SPRYD4: variants seen among roughly 807,000 people sequenced by gnomAD.
The protein encoded by SPRYD4 is SPRY domain-containing protein 4.
Under a neutral mutation model 16.6 loss-of-function variants are expected in SPRYD4, and 12 were observed. The observed-to-expected ratio is 0.72, with a 90% CI of 0.46 to 1.17. The LOEUF (loss-of-function observed/expected upper bound fraction) is 1.17. SPRYD4 is among the 50% of genes most tolerant of loss of function. SPRYD4 has a pLI of 0.00. For synonymous variants in SPRYD4, 98 were observed against 105.4 expected (o/e 0.93, Z 0.43); for missense variants, 260 against 260.2 (o/e 1.00, Z 0.00).
rs12819483 is a variant in SPRYD4 at position 56,477,848 on chromosome 12, G to C, written c.*8271G>C. ...ATGACAGGGCTAATCAGGAAGGGCA[G>C]AGAAACAAAAAAGGCTGGGAGATGG... On this transcript the variant is annotated 3_prime_UTR_variant, in exon 2 of 2. Coordinates refer to ENST00000338146, the MANE Select transcript of SPRYD4 (RefSeq NM_207344.4). 6.1e-3 allele frequency: 9,509 copies of C among 1,553,314 alleles called. 36 individuals carry two copies. Among genetic ancestry groups the C allele is most frequent in the Non-Finnish European group, 7.7e-3 (8,854 of 1,143,372 alleles).
Position 56,474,637 on chromosome 12 carries a change from G to T in SPRYD4, c.*5060G>T, listed in dbSNP as rs769254328. 1 of 1,614,012 alleles carries T rather than the reference G, an allele frequency of 6.2e-7. No homozygotes were observed. The highest frequency in any genetic ancestry group is 8.5e-7 in the Non-Finnish European group (1 of 1,180,018). On this transcript the variant is annotated 3_prime_UTR_variant, in exon 2 of 2. Coordinates refer to ENST00000338146, the MANE Select transcript of SPRYD4 (RefSeq NM_207344.4). ...CTGCTTCAGCACTCAGCACACTCTC[G>T]CCTGTGATGGGGCAGATCCCACCGT...
At position 56,473,750 on chromosome 12, in the gene SPRYD4, G is replaced by A. The variant is rs1869525032; in HGVS notation, c.*4173G>A. On this transcript the variant is annotated 3_prime_UTR_variant, in exon 2 of 2. Coordinates refer to ENST00000338146, the MANE Select transcript of SPRYD4 (RefSeq NM_207344.4). ...TTAATTAGCTTCTTTTATTACTCCT[G>A]TCCTTTCCTTCCCTTAAATTCATTG... 3.6e-6 allele frequency: 3 copies of A among 826,992 alleles called. No homozygotes were observed. In the Admixed American group the frequency reaches 1.0e-4, roughly 28 times the overall value. 51.2% of individuals were successfully genotyped at this position (826,992 alleles called of 1,614,324 possible). A position where few individuals can be genotyped will look rare whatever the true frequency, so the allele number is the denominator to read the frequency against.
In SPRYD4 at chr12:56,475,349, T is replaced by A; in HGVS notation, c.*5772T>A. 8.9e-7 allele frequency: 1 copy of A among 1,121,090 alleles called. No individual in the cohort carries two copies. The highest frequency in any genetic ancestry group is 1.6e-5 in the South Asian group (1 of 60,958). 69.4% of individuals were successfully genotyped at this position (1,121,090 alleles called of 1,614,324 possible). A position where few individuals can be genotyped will look rare whatever the true frequency, so the allele number is the denominator to read the frequency against. On this transcript the variant is annotated 3_prime_UTR_variant, in exon 2 of 2. Coordinates refer to ENST00000338146, the MANE Select transcript of SPRYD4 (RefSeq NM_207344.4). ...AAACTGTCTAGTCATCTAGGAAAAC[T>A]GGTGAAGTTTTTGGCTTTGAAAGTC... is the stretch of plus-strand genomic sequence containing the variant.
Position 56,472,420 on chromosome 12 carries a change from C to A in SPRYD4, c.*2843C>A. The A allele has an allele frequency of 1.6e-6, 1 of 606,538 alleles. No individual in the cohort carries two copies. Among genetic ancestry groups the A allele is most frequent in the Non-Finnish European group, 2.9e-6 (1 of 344,286 alleles). The allele number at this position is 606,538 out of a possible 1,614,324, so 37.6% of individuals were successfully genotyped here. On this transcript the variant is annotated 3_prime_UTR_variant, in exon 2 of 2. Coordinates refer to ENST00000338146, the MANE Select transcript of SPRYD4 (RefSeq NM_207344.4). ...TCCAGAAATATCACTCACTGCCTAC[C>A]TGTGGTAAGTGCCCATTTGAGGCAG... is the stretch of plus-strand genomic sequence containing the variant.
rs1312941985 is a variant in SPRYD4, at chr12:56,470,055, A to G, written c.*478A>G. ...CAGTCAATGACTTGGCCCTTTTTCT[A>G]CAGCACATTTAGAGTTTGGGCTCTG... On this transcript the variant is annotated 3_prime_UTR_variant, in exon 2 of 2. Transcript: ENST00000338146. 6.1e-6 allele frequency: 1 copy of G among 162,640 alleles called. No individual in the cohort carries two copies. The highest frequency in any genetic ancestry group is 1.4e-5 in the Non-Finnish European group (1 of 72,872). The allele number at this position is 162,640 out of a possible 1,614,324, so 10.1% of individuals were successfully genotyped here.
rs1156612319 is a variant in SPRYD4, at chr12:56,469,585, A to G, written c.*8A>G. 2.5e-6 allele frequency: 4 copies of G among 1,604,032 alleles called. No homozygotes were observed. Among genetic ancestry groups the G allele is most frequent in the African/African-American group, 1.3e-5 (1 of 74,564 alleles). ...GTGCCCGAGGGCCTCTAGTATGTCC[A>G]TTACTGGAGTCCCTAATCACGCCTT... On this transcript the variant is annotated 3_prime_UTR_variant, in exon 2 of 2. Transcript: ENST00000338146.
Position 56,473,394 on chromosome 12 carries a change from G to A in SPRYD4, c.*3817G>A, listed in dbSNP as rs577026510. 3.7e-6 allele frequency: 6 copies of A among 1,605,098 alleles called. No individual in the cohort carries two copies. In the African/African-American group the frequency reaches 8.0e-5, roughly 22 times the overall value. On this transcript the variant is annotated 3_prime_UTR_variant, in exon 2 of 2. Coordinates refer to ENST00000338146, the MANE Select transcript of SPRYD4 (RefSeq NM_207344.4). The stretch of plus-strand genomic sequence containing the variant: ...AGGAGCTCAAAATTGCTTTATTATA[G>A]TAAAAGTGGTACCATTAAACAAATT...
rs1431701216 is a variant in SPRYD4, at chr12:56,479,383, GAC to G, written c.*9809_*9810del. The G allele has an allele frequency of 2.5e-5, 14 of 567,750 alleles. 1 individual carries two copies. Among genetic ancestry groups the G allele is most frequent in the Middle Eastern group, 9.5e-4 (2 of 2,098 alleles). The allele number at this position is 567,750 out of a possible 1,614,324, so 35.2% of individuals were successfully genotyped here. On this transcript the variant is annotated 3_prime_UTR_variant, in exon 2 of 2. Transcript: ENST00000338146. ...ATGAGGGGTTTTAATGATGTGGAAA[GAC>G]ACTATGTCTTGGGATATGAGAAAAA...
In SPRYD4 at chr12:56,477,531, T is replaced by C. The variant is rs551682255; in HGVS notation, c.*7954T>C. 91 of 894,556 alleles carry C rather than the reference T, an allele frequency of 1.0e-4. No homozygotes were observed. In the South Asian group the frequency reaches 1.4e-3, roughly 14 times the overall value. 55.4% of individuals were successfully genotyped at this position (894,556 alleles called of 1,614,324 possible). A position where few individuals can be genotyped will look rare whatever the true frequency, so the allele number is the denominator to read the frequency against. ...ATGTGGGTCCCTGCTGTGCCTCATGTGCCTTCTGGGGACCCTCAAAGGAAT... is the reference window on the plus strand; with the variant it reads ...ATGTGGGTCCCTGCTGTGCCTCATGCGCCTTCTGGGGACCCTCAAAGGAAT... On this transcript the variant is annotated 3_prime_UTR_variant, in exon 2 of 2. Coordinates refer to ENST00000338146, the MANE Select transcript of SPRYD4 (RefSeq NM_207344.4).
chr12:56,468,761 C>T, intron 1 of SPRYD4, 85 bp downstream of exon 1: 1 of 1,426,922 alleles, frequency 7.0e-7, no homozygotes, highest in Non-Finnish European at 9.8e-7. Context: ...GCAACTCCAA[C>T]CCTCTCGGGT....
chr12:56,469,842 C>G lies in SPRYD4; in HGVS notation c.*265C>G, dbSNP rs1869162414. ...TTCCTTGACCTGCTTCCTTCAGTCC[C>G]TCTGCCTCCCTTTGCCCAGGCCTTT... On this transcript the variant is annotated 3_prime_UTR_variant, in exon 2 of 2. Transcript: ENST00000338146. 1 of 485,060 alleles carries G rather than the reference C, an allele frequency of 2.1e-6. No homozygotes were observed. The highest frequency in any genetic ancestry group is 2.8e-5 in the South Asian group (1 of 35,506). 30.0% of individuals were successfully genotyped at this position (485,060 alleles called of 1,614,324 possible).
chr12:56,476,151 CTCTCTT>C lies in SPRYD4; in HGVS notation c.*6584_*6589del, dbSNP rs1869790941. The C allele has an allele frequency of 1.7e-6, 1 of 580,990 alleles. No homozygotes were observed. Among genetic ancestry groups the C allele is most frequent in the Non-Finnish European group, 3.0e-6 (1 of 334,614 alleles). 36.0% of individuals were successfully genotyped at this position (580,990 alleles called of 1,614,324 possible). A position where few individuals can be genotyped will look rare whatever the true frequency, so the allele number is the denominator to read the frequency against. On this transcript the variant is annotated 3_prime_UTR_variant, in exon 2 of 2. Transcript: ENST00000338146. ...GAAAACACCGCACTTCCATTGGCTCCTCTCTTTCTCTTTCTTTTTTTTGAGACAGTC... is the reference window on the plus strand; with the variant it reads ...GAAAACACCGCACTTCCATTGGCTCCTCTCTTTCTTTTTTTTGAGACAGTC...
Position 56,474,758 on chromosome 12 carries a change from C to T in SPRYD4, c.*5181C>T. The T allele has an allele frequency of 6.2e-7, 1 of 1,610,820 alleles. No homozygotes were observed. The highest frequency in any genetic ancestry group is 1.1e-5 in the South Asian group (1 of 90,750). ...AGAATAGGTGAAGATGTGACGTGAA[C>T]CTGCACATGGGACCCTCGGGTGTAG... On this transcript the variant is annotated 3_prime_UTR_variant, in exon 2 of 2. Transcript: ENST00000338146.
At position 56,474,246 on chromosome 12, in the gene SPRYD4, C is replaced by G. The variant is rs900361210; in HGVS notation, c.*4669C>G. On this transcript the variant is annotated 3_prime_UTR_variant, in exon 2 of 2. Coordinates refer to ENST00000338146, the MANE Select transcript of SPRYD4 (RefSeq NM_207344.4). Reference sequence around the variant, plus strand: ...CTGGGATTACAGGTGCACACCACCACCCCCGGCTAATTTTTTGTATTTAGT... The same window carrying G: ...CTGGGATTACAGGTGCACACCACCAGCCCCGGCTAATTTTTTGTATTTAGT... The G allele has an allele frequency of 2.2e-5, 8 of 369,522 alleles. No homozygotes were observed. Among genetic ancestry groups the G allele is most frequent in the Non-Finnish European group, 3.6e-5 (7 of 195,388 alleles). The allele number at this position is 369,522 out of a possible 1,614,324, so 22.9% of individuals were successfully genotyped here. A position where few individuals can be genotyped will look rare whatever the true frequency, so the allele number is the denominator to read the frequency against.
Position 56,478,958 on chromosome 12 carries a change from C to T in SPRYD4, c.*9381C>T, listed in dbSNP as rs1257600896. 44 of 1,482,346 alleles carry T rather than the reference C, an allele frequency of 3.0e-5. No individual in the cohort carries two copies. Among genetic ancestry groups the T allele is most frequent in the East Asian group, 6.9e-5 (3 of 43,726 alleles). The allele number at this position is 1,482,346 out of a possible 1,614,324, so 91.8% of individuals were successfully genotyped here. On this transcript the variant is annotated 3_prime_UTR_variant, in exon 2 of 2. Transcript: ENST00000338146. ...GAGATTGCACCATTGCACTCCAGCC[C>T]GGGTGACAGAGCAAAACTCTGTCTC...
chr12:56,474,613 T>G lies in SPRYD4; in HGVS notation c.*5036T>G, dbSNP rs1869625578. 2 of 1,614,230 alleles carry G rather than the reference T, an allele frequency of 1.2e-6. No individual in the cohort carries two copies. On this transcript the variant is annotated 3_prime_UTR_variant, in exon 2 of 2. Coordinates refer to ENST00000338146, the MANE Select transcript of SPRYD4 (RefSeq NM_207344.4). ...GCATGAGGCTGAGGGTGTTGCGCAC[T>G]GCTTCAGCACTCAGCACACTCTCGC...
At position 56,476,470 on chromosome 12, in the gene SPRYD4, A is replaced by G. The variant is rs1288671076; in HGVS notation, c.*6893A>G. On this transcript the variant is annotated 3_prime_UTR_variant, in exon 2 of 2. Coordinates refer to ENST00000338146, the MANE Select transcript of SPRYD4 (RefSeq NM_207344.4). ...CCATGCTGGAGCTTTACTCCATCCCATTGGCCAGCATGATGGTTCATGCCT... is the reference window on the plus strand; with the variant it reads ...CCATGCTGGAGCTTTACTCCATCCCGTTGGCCAGCATGATGGTTCATGCCT... 1 of 165,132 alleles carries G rather than the reference A, an allele frequency of 6.1e-6. No individual in the cohort carries two copies. Among genetic ancestry groups the G allele is most frequent in the African/African-American group, 2.4e-5 (1 of 41,196 alleles). 10.2% of individuals were successfully genotyped at this position (165,132 alleles called of 1,614,324 possible). A position where few individuals can be genotyped will look rare whatever the true frequency, so the allele number is the denominator to read the frequency against.
chr12:56,469,435 A>C lies in SPRYD4; in HGVS notation c.482A>C (p.Lys161Thr). 1.2e-6 allele frequency: 2 copies of C among 1,613,964 alleles called. No individual in the cohort carries two copies. The highest frequency in any genetic ancestry group is 1.7e-6 in the Non-Finnish European group (2 of 1,179,972). Residue 161 changes from lysine to threonine, a missense_variant, in exon 2 of 2, where the codon AAG (lysine) becomes ACG (threonine). Transcript: ENST00000338146. ...CTGTTGCTGGAGTATGAGGCCCAGAAGCTGAGCCTGGTGGATGTGAGCCAG... is the reference window on the plus strand; with the variant it reads ...CTGTTGCTGGAGTATGAGGCCCAGACGCTGAGCCTGGTGGATGTGAGCCAG... ...VGLLLEYEAQ[K>T]LSLVDVSQVS...
chr12:56,478,394 G>T lies in SPRYD4; in HGVS notation c.*8817G>T. 2 of 881,252 alleles carry T rather than the reference G, an allele frequency of 2.3e-6. No homozygotes were observed. Among genetic ancestry groups the T allele is most frequent in the Non-Finnish European group, 1.8e-6 (1 of 567,226 alleles). 54.6% of individuals were successfully genotyped at this position (881,252 alleles called of 1,614,324 possible). ...CTATAGGGCAGAGGGGTTCCCTCCT[G>T]CCTGTTGCTCCCAGAAATGCCCGAG... On this transcript the variant is annotated 3_prime_UTR_variant, in exon 2 of 2. Transcript: ENST00000338146.
Sources: allele counts gnomAD v4.1 joint callset, GRCh38; gene constraint gnomAD v4.1.1; transcripts MANE v1.5; gene names NCBI Gene and HGNC (gene_info 2026-07-23, HGNC 2026-07-21).